FRMPD4: variants seen among roughly 807,000 people sequenced by gnomAD.
The protein encoded by FRMPD4 is FERM and PDZ domain containing 4, also known as FERM and PDZ domain-containing protein 4.
In FRMPD4, 22 loss-of-function variants were observed where a neutral mutation model predicts 94.1. The ratio of observed to expected loss-of-function variants is 0.23; its 90% CI spans 0.17 to 0.33. FRMPD4 has a LOEUF of 0.33. FRMPD4 is among the 10% of genes least tolerant of loss of function. FRMPD4 has a pLI of 1.00. For missense variants in FRMPD4, 1,111 were observed against 1,339.9 expected (o/e 0.83, Z 2.67); for synonymous variants, 631 against 548.6 (o/e 1.15, Z -2.10).
chrX:11,931,561 GT>G (rs1420590839), intron 3 of FRMPD4, among the ~76,000 whole-genome samples: 2 of 112,191 alleles, frequency 1.8e-5, no homozygotes, highest in Non-Finnish European at 3.8e-5. Flanking sequence ...GGGTCTTAAT[GT>G]GAGAGTTCCA....
chrX:12,545,062 A>G (rs1399966505), intron 2 of FRMPD4, among the ~76,000 whole-genome samples: 1 of 111,055 alleles, frequency 9.0e-6, no homozygotes, highest in Non-Finnish European at 1.9e-5. Flanking sequence ...TTCCACTCCT[A>G]TTGAATTCTC....
intron 3 of FRMPD4, among the ~76,000 whole-genome samples, chrX:11,963,486 T>A (rs5933940): frequency 0.066 from 7,404 of 112,140 alleles, 264 homozygotes; most frequent in East Asian, 0.23. Context: ...CCCACCAGCC[T>A]TTAGTTTGTT....
chrX:12,151,551 T>C (rs2147596875), intron 1 of FRMPD4, among the ~76,000 whole-genome samples: 1 of 112,349 alleles, frequency 8.9e-6, no homozygotes, highest in South Asian at 3.6e-4. Context: ...TAAAAGTGGA[T>C]ACCTTTATTG....
chrX:12,699,123 A>G (rs932888334), intron 9 of FRMPD4, among the ~76,000 whole-genome samples: 4 of 112,103 alleles, frequency 3.6e-5, no homozygotes, highest in Non-Finnish European at 7.5e-5. Context: ...CACTGTGCCA[A>G]TGGTTTTCTC....
At chrX:12,340,376 A>AGG (rs1555953453) in intron 1 of FRMPD4, among the ~76,000 whole-genome samples, 2 of 111,298 alleles carry the variant, frequency 1.8e-5, no homozygotes, top group South Asian at 3.7e-4. Context: ...TATATGAGAG[A>AGG]AGAGAGAGAA....
At chrX:11,961,040 G>GT (rs1408391268) in intron 3 of FRMPD4, among the ~76,000 whole-genome samples, 1 of 111,825 alleles carries the variant, frequency 8.9e-6, no homozygotes, top group African/African-American at 3.2e-5. Flanking sequence ...CTGTGGAGGT[G>GT]TTTTTTTCTC....
chrX:12,658,852 G>A (rs1197549600), intron 4 of FRMPD4, among the ~76,000 whole-genome samples: 1 of 112,055 alleles, frequency 8.9e-6, no homozygotes, highest in East Asian at 2.8e-4. Flanking sequence ...TGCTGCCTTA[G>A]CCCTTAACTG....
chrX:12,472,536 A>G (rs1406527040), intron 1 of FRMPD4, among the ~76,000 whole-genome samples: 1 of 111,656 alleles, frequency 9.0e-6, no homozygotes, highest in East Asian at 2.8e-4. Flanking sequence ...AGTACAGCTA[A>G]CCCATGGCAA....
intron 11 of FRMPD4, among the ~76,000 whole-genome samples, chrX:12,706,071 G>A (rs761359616): frequency 1.1e-3 from 120 of 106,315 alleles, no homozygotes; most frequent in African/African-American, 4.3e-3. Context: ...GGCACATTCA[G>A]TATGAAACAT....
intron 3 of FRMPD4, among the ~76,000 whole-genome samples, chrX:12,077,782 C>T (rs898459313): frequency 6.3e-5 from 7 of 111,448 alleles, no homozygotes; most frequent in Admixed American, 9.5e-5. Context: ...CTCTCTCTCT[C>T]AGGAAGTCCA....
chrX:12,179,259 T>C (rs1358196011), intron 1 of FRMPD4, among the ~76,000 whole-genome samples: 1 of 111,108 alleles, frequency 9.0e-6, no homozygotes, highest in Non-Finnish European at 1.9e-5. Flanking sequence ...GGAAGGTATA[T>C]AATGTCATTC....
intron 1 of FRMPD4, among the ~76,000 whole-genome samples, chrX:12,302,336 A>C (rs1194822985): frequency 8.9e-6 from 1 of 112,104 alleles, no homozygotes; most frequent in Non-Finnish European, 1.9e-5. Context: ...ATTTTTTTCA[A>C]ACTAAACAAT....
intron 2 of FRMPD4, among the ~76,000 whole-genome samples, chrX:12,590,786 A>G (rs185064883): frequency 9.0e-6 from 1 of 111,582 alleles, no homozygotes; most frequent in East Asian, 2.8e-4. Flanking sequence ...TCACTAGGAC[A>G]AATTCTGGAG....
At chrX:11,827,087 A>ATATATATATATATATATATAT (rs58743575) in intron 1 of FRMPD4, among the ~76,000 whole-genome samples, 9 of 83,278 alleles carry the variant, frequency 1.1e-4, no homozygotes, top group East Asian at 4.0e-4. Flanking sequence ...TATATATATA[A>ATATATATATATATATATATAT]AATATATATG....
intron 1 of FRMPD4, among the ~76,000 whole-genome samples, chrX:12,194,856 C>A (rs745564898): frequency 8.9e-6 from 1 of 112,044 alleles, no homozygotes; most frequent in South Asian, 3.7e-4. Context: ...TGAAATGGAA[C>A]TTCCCAGTGC....
intron 9 of FRMPD4, 69 bp from the exon 10 acceptor site, chrX:12,701,805 C>T: frequency 9.0e-7 from 1 of 1,113,237 alleles, no homozygotes; most frequent in East Asian, 3.0e-5. Context: ...TGTATGTCAC[C>T]TGTTCTGTAA....
intron 4 of FRMPD4, among the ~76,000 whole-genome samples, chrX:12,621,984 AAGAAAGAAAGAAAGAAAG>A (rs1342157060): frequency 1.5e-4 from 5 of 34,225 alleles, no homozygotes; most frequent in African/African-American, 9.3e-4. Flanking sequence ...GAAAGAAAGA[AAGAAAGAAAGAAAGAAAG>A]AAAGAAAGAA....
In FRMPD4 at chrX:12,569,156, G is replaced by C. The variant is rs779685421; in HGVS notation, c.159-40565G>C. Among the ~76,000 whole-genome samples the C allele has an allele frequency of 3.0e-4, 33 of 111,439 alleles. No individual in the cohort carries two copies. The South Asian group carries it at 3.4e-3, about 12-fold the overall frequency. On this transcript the variant is annotated intron_variant, in intron 2 of 16. Transcript: ENST00000675598. ...TGACACCACGCTCTTGGACTTCTCA[G>C]CCTCTAGAACCATGAGTCAAATAAA... is the stretch of plus-strand genomic sequence containing the variant.
chrX:12,069,916 T>C (rs2054952137), intron 3 of FRMPD4, among the ~76,000 whole-genome samples: 2 of 111,379 alleles, frequency 1.8e-5, no homozygotes, highest in Non-Finnish European at 3.8e-5. Flanking sequence ...GGTGGAATGA[T>C]GGAGAAAAAA....
Sources: gnomAD v4.1 joint callset for allele counts (sites outside exome capture counted in the v4.1 genomes callset) on GRCh38, gnomAD v4.1.1 for gene constraint, MANE v1.5 for transcripts, NCBI Gene and HGNC (gene_info 2026-07-23, HGNC 2026-07-21) for gene names.